PIP5K1A: variants seen among roughly 807,000 people sequenced by gnomAD.
PIP5K1A encodes the protein phosphatidylinositol 4-phosphate 5-kinase type-1 alpha.
In PIP5K1A, 46 loss-of-function variants were observed where a neutral mutation model predicts 72.9. The observed-to-expected ratio is 0.63, with a 90% CI of 0.50 to 0.81. The LOEUF (loss-of-function observed/expected upper bound fraction) is 0.81. Ranked by LOEUF, PIP5K1A falls within the 30% of genes least tolerant of loss-of-function variation. The pLI, the probability that PIP5K1A is intolerant of heterozygous loss-of-function variation, is 0.00. For missense variants in PIP5K1A, 458 were observed against 706.1 expected (o/e 0.65, Z 3.98); for synonymous variants, 228 against 255.1 (o/e 0.89, Z 1.01).
At position 151,248,537 on chromosome 1, in the gene PIP5K1A, T is replaced by C. The variant is rs41304548; in HGVS notation, c.*672T>C. Reference sequence around the variant, plus strand: ...GTGTTTATGAAGAGAAGAGTAGTGATTGCTCTGCCAGAAGCAGCTCCTCTT... The same window carrying C: ...GTGTTTATGAAGAGAAGAGTAGTGACTGCTCTGCCAGAAGCAGCTCCTCTT... On this transcript the variant is annotated 3_prime_UTR_variant, in exon 16 of 16. Coordinates refer to ENST00000368888, the MANE Select transcript of PIP5K1A (RefSeq NM_001135638.2). 0.043 allele frequency: 6,531 copies of C among 152,666 alleles called. 181 individuals carry two copies. The highest frequency in any genetic ancestry group is 0.069 in the Non-Finnish European group (4,696 of 68,040). The allele number at this position is 152,666 out of a possible 1,614,324, so 9.5% of individuals were successfully genotyped here.
At chr1:151,202,509 G>T (rs1425599230) in intron 1 of PIP5K1A, among the ~76,000 whole-genome samples, 1 of 152,126 alleles carries the variant, frequency 6.6e-6, no homozygotes, top group Non-Finnish European at 1.5e-5. Flanking sequence ...TCTTGCTCTT[G>T]TCACCCAGGC....
chr1:151,238,896 T>C (rs1354083384), intron 10 of PIP5K1A, among the ~76,000 whole-genome samples: 1 of 152,164 alleles, frequency 6.6e-6, no homozygotes, highest in East Asian at 1.9e-4. Context: ...GGGACATAAA[T>C]TGCCCTTTTC....
At chr1:151,247,726 C>T (rs587686963) in intron 15 of PIP5K1A, 137 bp from the exon 16 acceptor site, 14 of 705,394 alleles carry the variant, frequency 2.0e-5, no homozygotes, top group Non-Finnish European at 3.2e-5. Flanking sequence ...GCGCGGCCGC[C>T]ATCTTGTTTT....
Position 151,242,517 on chromosome 1 carries a change from C to T in PIP5K1A, c.1590C>T (p.Asp530=), listed in dbSNP as rs1188041765. The change falls in exon 14 of 16, where the codon GAC becomes GAT. Residue 530 remains aspartate (D), a synonymous_variant. Transcript: ENST00000368888. ...TCAGTGAGGGCTCGCCTATTCCTGACCCCAGTTTCTCACCTCTAGTTGGAG... is the reference window on the plus strand; with the variant it reads ...TCAGTGAGGGCTCGCCTATTCCTGATCCCAGTTTCTCACCTCTAGTTGGAG... The part of the protein sequence containing the change: ...EEISEGSPIP[D]PSFSPLVGET... 6 of 1,613,434 alleles carry T rather than the reference C, an allele frequency of 3.7e-6. No homozygotes were observed. Among genetic ancestry groups the T allele is most frequent in the Non-Finnish European group, 5.1e-6 (6 of 1,179,458 alleles).
intron 9 of PIP5K1A, 59 bp from the exon 10 acceptor site, chr1:151,238,123 C>A: frequency 9.4e-7 from 1 of 1,058,444 alleles, no homozygotes; most frequent in South Asian, 1.3e-5. Context: ...ACTTCCCCAT[C>A]CTGATCTGAC....
chr1:151,240,900 C>T (rs1691585018), intron 12 of PIP5K1A, among the ~76,000 whole-genome samples: 1 of 152,236 alleles, frequency 6.6e-6, no homozygotes, highest in Admixed American at 6.5e-5. Context: ...CACGGTGGCT[C>T]ACACCTGTAA....
chr1:151,204,016 G>A (rs1356238048), intron 1 of PIP5K1A, among the ~76,000 whole-genome samples: 1 of 152,060 alleles, frequency 6.6e-6, no homozygotes, highest in Non-Finnish European at 1.5e-5. Context: ...ACGGCTCAGG[G>A]AGATCCAGAG....
intron 1 of PIP5K1A, among the ~76,000 whole-genome samples, chr1:151,223,479 A>T (rs1420404811): frequency 1.3e-5 from 2 of 149,440 alleles, no homozygotes; most frequent in Non-Finnish European, 3.0e-5. Context: ...CCCTGTCTCT[A>T]CTAAAAATAC....
At chr1:151,214,806 T>C (rs587638712) in intron 1 of PIP5K1A, among the ~76,000 whole-genome samples, 2 of 152,284 alleles carry the variant, frequency 1.3e-5, no homozygotes, top group East Asian at 3.9e-4. Context: ...AACCTCTGCC[T>C]CTTGGGCTCA....
intron 1 of PIP5K1A, among the ~76,000 whole-genome samples, chr1:151,216,805 G>A (rs1044541944): frequency 6.6e-6 from 1 of 150,990 alleles, no homozygotes; most frequent in Non-Finnish European, 1.5e-5. Context: ...ACCTTAGGAA[G>A]TACATGTTGT....
Position 151,241,387 on chromosome 1 carries a change from C to G in PIP5K1A, c.1364-736C>G, listed in dbSNP as rs587750749. ...GGCATGGTGGTGGGCTCCTGTAGTCCCAGCTACTTGGGAGGCTGAGGCAGG... is the reference window on the plus strand; with the variant it reads ...GGCATGGTGGTGGGCTCCTGTAGTCGCAGCTACTTGGGAGGCTGAGGCAGG... On this transcript the variant is annotated intron_variant, in intron 12 of 15. Coordinates refer to ENST00000368888, the MANE Select transcript of PIP5K1A (RefSeq NM_001135638.2). 1.2e-4 allele frequency among the ~76,000 whole-genome samples: 18 copies of G among 149,198 alleles called. No homozygotes were observed. The South Asian group carries it at 3.9e-3, about 32-fold the overall frequency.
At chr1:151,229,653 A>T (rs587751609) in intron 4 of PIP5K1A, among the ~76,000 whole-genome samples, 83 of 150,494 alleles carry the variant, frequency 5.5e-4, no homozygotes, top group Non-Finnish European at 1.6e-4. Context: ...GAGCCACAGC[A>T]CCCGGCCATT....
At chr1:151,213,167 G>A (rs587606117) in intron 1 of PIP5K1A, among the ~76,000 whole-genome samples, 47 of 152,304 alleles carry the variant, frequency 3.1e-4, no homozygotes, top group South Asian at 1.0e-3. Context: ...GGGATTACAG[G>A]TGTGAGCAAC....
intron 1 of PIP5K1A, among the ~76,000 whole-genome samples, chr1:151,212,592 T>C (rs904057426): frequency 6.6e-6 from 1 of 152,146 alleles, no homozygotes; most frequent in Non-Finnish European, 1.5e-5. Context: ...CTTTTTTTTT[T>C]TGAGACGGAG....
chr1:151,246,996 G>C (rs765583039), intron 15 of PIP5K1A, 31 bp downstream of exon 15: 1 of 1,572,092 alleles, frequency 6.4e-7, no homozygotes, highest in African/African-American at 1.3e-5. Context: ...GGAGGTGAAC[G>C]TTTTGCAAGG....
In PIP5K1A at chr1:151,198,678, T is replaced by C. The variant is rs1369621959; in HGVS notation, c.-319T>C. The C allele has an allele frequency of 3.6e-5, 13 of 360,170 alleles. No individual in the cohort carries two copies. Among genetic ancestry groups the C allele is most frequent in the Middle Eastern group, 7.5e-4 (1 of 1,328 alleles). The allele number at this position is 360,170 out of a possible 1,614,324, so 22.3% of individuals were successfully genotyped here. A position where few individuals can be genotyped will look rare whatever the true frequency, so the allele number is the denominator to read the frequency against. On this transcript the variant is annotated 5_prime_UTR_variant, in exon 1 of 16. Transcript: ENST00000368888. ...TCATGCCTCGTTTTTTTTTCAGATG[T>C]GGCTTGGTCTGGGCGCAAGGTCCCA...
intron 8 of PIP5K1A, among the ~76,000 whole-genome samples, 192 bp from the exon 9 acceptor site, chr1:151,236,366 C>T (rs1394973172): frequency 6.6e-6 from 1 of 151,848 alleles, no homozygotes; most frequent in Non-Finnish European, 1.5e-5. Context: ...GTCCCAGCTA[C>T]TTGGGAGGCT....
In PIP5K1A at chr1:151,242,526, C is replaced by T; in HGVS notation, c.1599C>T (p.Phe533=). 1.2e-6 allele frequency: 2 copies of T among 1,614,018 alleles called. No individual in the cohort carries two copies. The highest frequency in any genetic ancestry group is 8.5e-7 in the Non-Finnish European group (1 of 1,179,856). Residue 533 remains phenylalanine (F), a synonymous_variant, in exon 14 of 16, where the codon TTC becomes TTT. Transcript: ENST00000368888. The part of the protein sequence containing the change: ...SEGSPIPDPS[F]SPLVGETLQM... ...GCTCGCCTATTCCTGACCCCAGTTT[C>T]TCACCTCTAGTTGGAGAGACTTTGC...
intron 1 of PIP5K1A, among the ~76,000 whole-genome samples, chr1:151,216,908 T>G (rs1379410809): frequency 6.6e-5 from 1 of 15,202 alleles, no homozygotes; most frequent in South Asian, 1.6e-3. Flanking sequence ...ATGTTTTTTT[T>G]TTTTTTTTTT....
Sources: gnomAD v4.1 joint callset for allele counts (sites outside exome capture counted in the v4.1 genomes callset) on GRCh38, gnomAD v4.1.1 for gene constraint, MANE v1.5 for transcripts, NCBI Gene and HGNC (gene_info 2026-07-23, HGNC 2026-07-21) for gene names.